The following GRAMD4 variants were observed in gnomAD, a reference collection of about 807,000 sequenced individuals.
The protein encoded by GRAMD4 is GRAM domain containing 4.
Under a neutral mutation model 83.9 loss-of-function variants are expected in GRAMD4, and 25 were observed. The observed-to-expected ratio is 0.30, with a 90% CI of 0.22 to 0.42. The LOEUF (loss-of-function observed/expected upper bound fraction) is 0.42. Ranked by LOEUF, GRAMD4 falls within the 10% of genes least tolerant of loss-of-function variation. The pLI, the probability that GRAMD4 is intolerant of heterozygous loss-of-function variation, is 1.00. For synonymous variants in GRAMD4, 336 were observed against 320.9 expected (o/e 1.05, Z -0.50); for missense variants, 593 against 788.7 (o/e 0.75, Z 2.97).
At chr22:46,663,563 G>T (rs899001677) in intron 6 of GRAMD4, among the ~76,000 whole-genome samples, 35 of 152,224 alleles carry the variant, frequency 2.3e-4, no homozygotes, top group Non-Finnish European at 5.9e-5. Context: ...CTGCCCTTGA[G>T]GACTTCTGTT....
At chr22:46,597,580 C>T (rs1294675495) in intron 1 of GRAMD4, among the ~76,000 whole-genome samples, 1 of 152,106 alleles carries the variant, frequency 6.6e-6, no homozygotes, top group African/African-American at 2.4e-5. Context: ...AGCTCCGCCT[C>T]CTGGGTTCAC....
At chr22:46,643,181 A>C (rs1227304008) in intron 3 of GRAMD4, among the ~76,000 whole-genome samples, 4 of 132,614 alleles carry the variant, frequency 3.0e-5, no homozygotes, top group Non-Finnish European at 6.6e-5. Flanking sequence ...CCATCCATCC[A>C]TCCATCCATC....
intron 10 of GRAMD4, among the ~76,000 whole-genome samples, chr22:46,667,297 T>C (rs1238557167): frequency 6.6e-6 from 1 of 151,942 alleles, no homozygotes; most frequent in African/African-American, 2.4e-5. Flanking sequence ...CCGAGATCCC[T>C]CCACTGCACT....
rs566243665 is a variant in GRAMD4, at chr22:46,663,128, C to T, written c.555C>T (p.Pro185=). 26 of 1,612,444 alleles carry T rather than the reference C, an allele frequency of 1.6e-5. No individual in the cohort carries two copies. Among genetic ancestry groups the T allele is most frequent in the South Asian group, 9.9e-5 (9 of 91,074 alleles). ...ACGTGGAGGACTTCCGGTTCCAGCCCGAGGAGAACACTGTGGAGACAGAGG... is the reference window on the plus strand; with the variant it reads ...ACGTGGAGGACTTCCGGTTCCAGCCTGAGGAGAACACTGTGGAGACAGAGG... ...GEYVEDFRFQ[P]EENTVETEEP... is the part of the protein sequence containing the mutation. The change falls in exon 6 of 19, where the codon CCC becomes CCT. Residue 185 remains proline, a synonymous_variant. Transcript: ENST00000406902.
At position 46,677,131 on chromosome 22, in the gene GRAMD4, A is replaced by G. The variant is rs1395199258; in HGVS notation, c.1633-16A>G. 1 of 1,611,728 alleles carries G rather than the reference A, an allele frequency of 6.2e-7. No homozygotes were observed. Among genetic ancestry groups the G allele is most frequent in the Non-Finnish European group, 8.5e-7 (1 of 1,179,466 alleles). ...TGGCTGTGCCATGCTCACTGGTGGC[A>G]TTTCTTCCCTGCCAGCCGCTCGTGT... On this transcript the variant is annotated splice_polypyrimidine_tract_variant and intron_variant, in intron 18 of 18. Coordinates refer to ENST00000406902, the MANE Select transcript of GRAMD4 (RefSeq NM_015124.5).
chr22:46,585,947 G>T (rs2081145662), intron 1 of GRAMD4, among the ~76,000 whole-genome samples: 1 of 152,200 alleles, frequency 6.6e-6, no homozygotes, highest in Non-Finnish European at 1.5e-5. Flanking sequence ...CTGAGGTTCA[G>T]CCACGTCTTG....
At position 46,672,183 on chromosome 22, in the gene GRAMD4, G is replaced by A. The variant is rs2082517930; in HGVS notation, c.1085-660G>A. On this transcript the variant is annotated intron_variant, in intron 13 of 18. Coordinates refer to ENST00000406902, the MANE Select transcript of GRAMD4 (RefSeq NM_015124.5). This position sits in a 1 kb window ranked among gnomAD's most constrained non-coding sequence, Gnocchi z 4.7. The stretch of plus-strand genomic sequence containing the variant: ...CTCCCATCCCTGCATCTGTTGCCAG[G>A]TGGGGTCCTGGGGCGCAGTCAGGCC... Among the ~76,000 whole-genome samples the A allele has an allele frequency of 6.6e-6, 1 of 152,240 alleles. No individual in the cohort carries two copies. Among genetic ancestry groups the A allele is most frequent in the Admixed American group, 6.5e-5 (1 of 15,286 alleles).
chr22:46,584,419 A>G lies in GRAMD4; in HGVS notation c.-50+7129A>G, dbSNP rs150917916. 4.0e-4 allele frequency among the ~76,000 whole-genome samples: 61 copies of G among 152,256 alleles called. No homozygotes were observed. The East Asian group carries it at 0.011, about 28-fold the overall frequency. On this transcript the variant is annotated intron_variant, in intron 1 of 1. Coordinates refer to the GRAMD4 transcript ENST00000431155. Reference sequence around the variant, plus strand: ...AGCCTCCTGTACCTGTATTGAGCAAAGTGTGAGTTCGCGCCGCTGATGAAC... The same window carrying G: ...AGCCTCCTGTACCTGTATTGAGCAAGGTGTGAGTTCGCGCCGCTGATGAAC...
At chr22:46,655,289 G>A (rs764514750) in intron 3 of GRAMD4, among the ~76,000 whole-genome samples, 4 of 152,154 alleles carry the variant, frequency 2.6e-5, no homozygotes, top group African/African-American at 9.7e-5. Context: ...TGGGGGCCTC[G>A]GGAGGGAGCT....
chr22:46,648,699 CATGGATGGATGG>C (rs201041889), intron 3 of GRAMD4, among the ~76,000 whole-genome samples: 2 of 118,182 alleles, frequency 1.7e-5, no homozygotes, highest in East Asian at 2.5e-4. Context: ...TGGATGGATG[CATGGATGGATGG>C]ATGGATGGAT....
chr22:46,578,733 C>T (rs1169311234), intron 1 of GRAMD4, among the ~76,000 whole-genome samples: 1 of 152,198 alleles, frequency 6.6e-6, no homozygotes, highest in Non-Finnish European at 1.5e-5. Flanking sequence ...GATGAGTGAC[C>T]TCAGTAACCC....
intron 1 of GRAMD4, among the ~76,000 whole-genome samples, chr22:46,595,057 C>T (rs548141649): frequency 6.8e-4 from 104 of 152,194 alleles, no homozygotes; most frequent in African/African-American, 2.1e-3. Flanking sequence ...GGCCTGGCGT[C>T]GAGGCAAAGC....
At chr22:46,606,704 T>A (rs944199430) in intron 1 of GRAMD4, among the ~76,000 whole-genome samples, 1 of 152,192 alleles carries the variant, frequency 6.6e-6, no homozygotes, top group African/African-American at 2.4e-5. Context: ...TTATGGTTGG[T>A]GCTGAGCATC....
chr22:46,607,441 C>T (rs927683058), intron 1 of GRAMD4, among the ~76,000 whole-genome samples: 5 of 152,150 alleles, frequency 3.3e-5, no homozygotes, highest in African/African-American at 1.2e-4. Flanking sequence ...GGAACCAGCC[C>T]TCCACAGGCT....
intron 3 of GRAMD4, among the ~76,000 whole-genome samples, chr22:46,638,315 C>G (rs2081922536): frequency 1.3e-5 from 2 of 152,234 alleles, no homozygotes; most frequent in African/African-American, 4.8e-5. Flanking sequence ...GAATTGGTCC[C>G]TTGCATTCCC....
intron 5 of GRAMD4, among the ~76,000 whole-genome samples, 166 bp downstream of exon 5, chr22:46,661,608 G>A (rs1036615309): frequency 6.6e-6 from 1 of 152,228 alleles, no homozygotes; most frequent in Non-Finnish European, 1.5e-5. Flanking sequence ...TGGCATCCGG[G>A]AATCTCCTCC....
At chr22:46,625,102 C>T (rs896280835) in intron 1 of GRAMD4, among the ~76,000 whole-genome samples, 6 of 152,228 alleles carry the variant, frequency 3.9e-5, no homozygotes, top group East Asian at 1.9e-4. Flanking sequence ...CCTTGTGATC[C>T]GCCCGCCTCG....
intron 1 of GRAMD4, among the ~76,000 whole-genome samples, chr22:46,609,433 A>G (rs1212893613): frequency 6.6e-6 from 1 of 152,266 alleles, no homozygotes; most frequent in African/African-American, 2.4e-5. Context: ...CAGCTGGGCC[A>G]CATTTAAACA....
chr22:46,660,760 C>T (rs2082314903), intron 4 of GRAMD4, among the ~76,000 whole-genome samples: 1 of 152,200 alleles, frequency 6.6e-6, no homozygotes, highest in South Asian at 2.1e-4. Flanking sequence ...TCAGGGTTTA[C>T]TCCTCCCCCA....
Sources: gnomAD v4.1 joint callset for allele counts (sites outside exome capture counted in the v4.1 genomes callset) on GRCh38, gnomAD v4.1.1 for gene constraint, Gnocchi (gnomAD v3.1) non-coding constraint, MANE v1.5 for transcripts, NCBI Gene and HGNC (gene_info 2026-07-23, HGNC 2026-07-21) for gene names.